Variants in TMEM132D observed in about 807,000 individuals in gnomAD.
TMEM132D encodes the protein mature OL transmembrane protein.
TMEM132D carries 21 observed loss-of-function variants against 62.3 expected under a neutral mutation model. The ratio of observed to expected loss-of-function variants is 0.34; its 90% CI spans 0.24 to 0.49. The LOEUF (loss-of-function observed/expected upper bound fraction) is 0.49, where lower values mean the gene tolerates loss of function less well. TMEM132D is among the 20% of genes least tolerant of loss of function. TMEM132D has a pLI of 0.99. For synonymous variants in TMEM132D, 621 were observed against 575.6 expected, an observed-to-expected ratio of 1.08 and a Z score of -1.13; for missense variants, 1,346 against 1,402.8, an observed-to-expected ratio of 0.96 and a Z score of 0.65.
Position 129,699,970 on chromosome 12 carries a change from T to C in TMEM132D, c.808A>G (p.Ile270Val). ...TTCCTGTGTGTCTGATAAAGGAAGA[T>C]GCTCCCGATCCTCTGCAAGGGGGGC... is the stretch of plus-strand genomic sequence containing the variant. ...SGPPLQRIGSIFLYQTHRKPS... is the reference protein window; with the variant it reads ...SGPPLQRIGSVFLYQTHRKPS... Residue 270 changes from isoleucine to valine, a missense_variant, in exon 2 of 9, where the codon ATC becomes GTC. Ile to Val is a conservative substitution (Grantham distance 29, BLOSUM62 3). Transcript: ENST00000422113. 1 of 1,614,088 alleles carries C rather than the reference T, an allele frequency of 6.2e-7. No individual in the cohort carries two copies. Among genetic ancestry groups the C allele is most frequent in the East Asian group, 2.2e-5 (1 of 44,864 alleles).
At chr12:129,898,539 A>T (rs561368020) in intron 1 of TMEM132D, among the ~76,000 whole-genome samples, 1 of 152,366 alleles carries the variant, frequency 6.6e-6, no homozygotes, top group Non-Finnish European at 1.5e-5. Context: ...ATGGGAGATT[A>T]TGTGGATCAC....
intron 3 of TMEM132D, among the ~76,000 whole-genome samples, chr12:129,423,417 G>A (rs961303758): frequency 5.9e-5 from 9 of 152,110 alleles, no homozygotes; most frequent in African/African-American, 9.7e-5. Flanking sequence ...TGCAACATCC[G>A]GCAACACGCT....
chr12:129,596,335 C>G (rs932326863), intron 2 of TMEM132D, among the ~76,000 whole-genome samples: 1 of 152,108 alleles, frequency 6.6e-6, no homozygotes, highest in African/African-American at 2.4e-5. Context: ...AGACGATGTT[C>G]TTCTTCTTTT....
At position 129,890,133 on chromosome 12, in the gene TMEM132D, C is replaced by T. The variant is rs541361861; in HGVS notation, c.79+13128G>A. On this transcript the variant is annotated intron_variant, in intron 1 of 8. Coordinates refer to ENST00000422113, the MANE Select transcript of TMEM132D (RefSeq NM_133448.3). The stretch of plus-strand genomic sequence containing the variant: ...GTTCTAGGTCCCTTCTGGAGTAACT[C>T]CTTGAATCAAAGAAGCCCCAGTCCT... Among the ~76,000 whole-genome samples the T allele has an allele frequency of 4.5e-4, 68 of 152,250 alleles. No homozygotes were observed. In the Middle Eastern group the frequency reaches 0.01, roughly 23 times the overall value.
At chr12:129,687,460 G>C (rs1880960171) in intron 2 of TMEM132D, among the ~76,000 whole-genome samples, 1 of 152,044 alleles carries the variant, frequency 6.6e-6, no homozygotes, top group Non-Finnish European at 1.5e-5. Context: ...GGTAGTAGTT[G>C]TCCCACATTG....
At position 129,081,895 on chromosome 12, in the gene TMEM132D, T is replaced by C. The variant is rs2135616333; in HGVS notation, c.1787A>G (p.His596Arg). 6.2e-7 allele frequency: 1 copy of C among 1,614,060 alleles called. No individual in the cohort carries two copies. The highest frequency in any genetic ancestry group is 1.1e-5 in the South Asian group (1 of 91,080). The change falls in exon 7 of 9, where the codon CAC (histidine) becomes CGC (arginine). Residue 596 changes from histidine to arginine, a missense_variant. Transcript: ENST00000422113. ...EAAGPGGHLA[H>R]LLGSDWQVDI... ...CACTTGCCAGTCTGAGCCCAGCAGG[T>C]GGGCCAGGTGTCCCCCAGGGCCGGC...
At chr12:129,654,279 CGT>C (rs925269582) in intron 2 of TMEM132D, among the ~76,000 whole-genome samples, 14 of 105,334 alleles carry the variant, frequency 1.3e-4, no homozygotes, top group Non-Finnish European at 1.8e-4. Context: ...CTCACTCTCT[CGT>C]GTGTGTGTGT....
intron 1 of TMEM132D, among the ~76,000 whole-genome samples, chr12:129,842,682 G>A (rs7134988): frequency 0.012 from 1,875 of 151,828 alleles, 41 homozygotes; most frequent in African/African-American, 0.042. Context: ...TTGCCCAGGC[G>A]GGTCTAGAAC....
rs139513139 is a variant in TMEM132D, at chr12:129,890,815, C to T, written c.79+12446G>A. Among the ~76,000 whole-genome samples, 1,433 of 152,212 alleles carry T rather than the reference C, an allele frequency of 9.4e-3. 20 individuals carry two copies. Among genetic ancestry groups the T allele is most frequent in the African/African-American group, 0.031 (1,299 of 41,524 alleles). Reference sequence around the variant, plus strand: ...GTATCATATTACGTTTATAATTTGTCCTCAAAATGATTGAATAAATAGATT... The same window carrying T: ...GTATCATATTACGTTTATAATTTGTTCTCAAAATGATTGAATAAATAGATT... On this transcript the variant is annotated intron_variant, in intron 1 of 8. Coordinates refer to ENST00000422113, the MANE Select transcript of TMEM132D (RefSeq NM_133448.3).
At chr12:129,140,873 T>C (rs1009272817) in intron 5 of TMEM132D, among the ~76,000 whole-genome samples, 2 of 151,680 alleles carry the variant, frequency 1.3e-5, no homozygotes, top group Non-Finnish European at 2.9e-5. Flanking sequence ...GATTCACCCA[T>C]ATTGTTGAAG....
intron 5 of TMEM132D, among the ~76,000 whole-genome samples, chr12:129,180,943 T>A (rs1878048250): frequency 2.0e-5 from 3 of 151,840 alleles, no homozygotes; most frequent in Non-Finnish European, 1.5e-5. Context: ...GATGAGAAGA[T>A]TTAGAGAATT....
chr12:129,558,389 C>T (rs997175298), intron 2 of TMEM132D, among the ~76,000 whole-genome samples: 1 of 152,120 alleles, frequency 6.6e-6, no homozygotes, highest in African/African-American at 2.4e-5. Flanking sequence ...ACTAAAGCAG[C>T]TTTAGAATAT....
At chr12:129,450,745 C>T (rs1459354664) in intron 3 of TMEM132D, among the ~76,000 whole-genome samples, 13 of 135,480 alleles carry the variant, frequency 9.6e-5, no homozygotes, top group Non-Finnish European at 1.5e-4. Context: ...AAGTTTCCAT[C>T]GCTTCTTTTT....
chr12:129,432,319 TTGGA>T (rs916706920), intron 3 of TMEM132D, among the ~76,000 whole-genome samples: 6 of 37,706 alleles, frequency 1.6e-4, no homozygotes, highest in Admixed American at 8.2e-4. Flanking sequence ...GGATGGATGC[TTGGA>T]TGGATGGATG....
chr12:129,581,419 C>T lies in TMEM132D; in HGVS notation c.969-50214G>A, dbSNP rs182889367. 5.4e-3 allele frequency among the ~76,000 whole-genome samples: 816 copies of T among 152,230 alleles called. 5 individuals are homozygous for T. Among genetic ancestry groups the T allele is most frequent in the Non-Finnish European group, 8.7e-3 (589 of 68,026 alleles). ...CACAAGGTGAAGTCCCACCATAGGCCGTCTGGAAGCTGAGGAGCCAGGAAG... is the reference window on the plus strand; with the variant it reads ...CACAAGGTGAAGTCCCACCATAGGCTGTCTGGAAGCTGAGGAGCCAGGAAG... On this transcript the variant is annotated intron_variant, in intron 2 of 8. Transcript: ENST00000422113.
intron 5 of TMEM132D, among the ~76,000 whole-genome samples, chr12:129,208,191 T>C (rs976540318): frequency 2.0e-5 from 3 of 151,916 alleles, no homozygotes; most frequent in African/African-American, 7.3e-5. Context: ...GTGTCTGGGA[T>C]TGGGGTGGTG....
intron 4 of TMEM132D, among the ~76,000 whole-genome samples, chr12:129,223,736 C>G (rs915911147): frequency 8.5e-5 from 13 of 152,182 alleles, no homozygotes; most frequent in African/African-American, 2.9e-4. Flanking sequence ...TAACTTTTCT[C>G]ATTTCTAACT....
intron 5 of TMEM132D, among the ~76,000 whole-genome samples, chr12:129,156,158 A>C (rs147393429): frequency 6.6e-6 from 1 of 151,238 alleles, no homozygotes; most frequent in East Asian, 2.0e-4. Context: ...ACACACTCCC[A>C]ATATAAACCA....
At chr12:129,885,874 T>C (rs977215662) in intron 1 of TMEM132D, among the ~76,000 whole-genome samples, 1 of 152,242 alleles carries the variant, frequency 6.6e-6, no homozygotes, top group Non-Finnish European at 1.5e-5. Context: ...TAATAAGAAA[T>C]GTTACTTTGT....
Sources: allele counts gnomAD v4.1 joint callset (sites outside exome capture counted in the v4.1 genomes callset), GRCh38; gene constraint gnomAD v4.1.1; transcripts MANE v1.5; gene names NCBI Gene and HGNC (gene_info 2026-07-23, HGNC 2026-07-21).